Variants in GABBR2 observed in about 807,000 individuals in gnomAD.
The protein encoded by GABBR2 is gamma-aminobutyric acid type B receptor subunit 2, also known as G-protein coupled receptor 51.
In GABBR2, 23 loss-of-function variants were observed where a neutral mutation model predicts 105.6. The observed-to-expected ratio is 0.22, with a 90% CI of 0.16 to 0.31. GABBR2 has a LOEUF of 0.31. Ranked by LOEUF, GABBR2 falls within the 10% of genes least tolerant of loss-of-function variation. The pLI, the probability that GABBR2 is intolerant of heterozygous loss-of-function variation, is 1.00. For synonymous variants in GABBR2, 478 were observed against 499.7 expected (o/e 0.96, Z 0.58); for missense variants, 734 against 1,245.5 (o/e 0.59, Z 6.18).
intron 2 of GABBR2, among the ~76,000 whole-genome samples, chr9:98,552,585 T>C (rs1387515867): frequency 6.6e-6 from 1 of 152,198 alleles, no homozygotes; most frequent in Non-Finnish European, 1.5e-5. Context: ...TCAACATAGA[T>C]GCCGGTGAGA....
At chr9:98,425,026 T>G (rs2131560949) in intron 7 of GABBR2, among the ~76,000 whole-genome samples, 1 of 151,982 alleles carries the variant, frequency 6.6e-6, no homozygotes, top group Non-Finnish European at 1.5e-5. Flanking sequence ...CATCGCCAAG[T>G]CAATCCTAAG....
chr9:98,537,174 C>T (rs905266439), intron 3 of GABBR2, among the ~76,000 whole-genome samples: 1 of 152,178 alleles, frequency 6.6e-6, no homozygotes, highest in Non-Finnish European at 1.5e-5. Context: ...CAAAGCTCCC[C>T]AGATGCTCCA....
intron 1 of GABBR2, among the ~76,000 whole-genome samples, chr9:98,660,851 AC>A (rs1830249843): frequency 6.6e-6 from 1 of 152,018 alleles, no homozygotes; most frequent in Admixed American, 6.6e-5. Flanking sequence ...TCTTATAAGA[AC>A]CCTTGTGATT....
chr9:98,592,292 C>T (rs1478219791), intron 1 of GABBR2, among the ~76,000 whole-genome samples: 1 of 152,214 alleles, frequency 6.6e-6, no homozygotes, highest in African/African-American at 2.4e-5. Flanking sequence ...TTCCAGCCTA[C>T]CAGTGTGTGT....
At chr9:98,675,572 T>C (rs1830466711) in intron 1 of GABBR2, among the ~76,000 whole-genome samples, 1 of 152,122 alleles carries the variant, frequency 6.6e-6, no homozygotes. Context: ...CCTCAGATAA[T>C]GGGCTCAGTT....
chr9:98,482,833 T>C (rs371827014), intron 4 of GABBR2, among the ~76,000 whole-genome samples: 1 of 152,236 alleles, frequency 6.6e-6, no homozygotes, highest in African/African-American at 2.4e-5. Context: ...TGCTCTCTGC[T>C]GGCTCCCCTC....
intron 11 of GABBR2, among the ~76,000 whole-genome samples, chr9:98,379,376 C>G (rs138788942): frequency 6.6e-6 from 1 of 152,330 alleles, no homozygotes; most frequent in African/African-American, 2.4e-5. Flanking sequence ...TCAAGTGATT[C>G]TCCTGCCTCA....
At chr9:98,475,925 A>C (rs979706173) in intron 5 of GABBR2, among the ~76,000 whole-genome samples, 1 of 152,164 alleles carries the variant, frequency 6.6e-6, no homozygotes, top group African/African-American at 2.4e-5. Flanking sequence ...TTAGCTGGGC[A>C]TGGTGGCACA....
intron 13 of GABBR2, among the ~76,000 whole-genome samples, chr9:98,359,527 G>T (rs189021554): frequency 7.9e-5 from 12 of 152,308 alleles, no homozygotes; most frequent in Non-Finnish European, 1.6e-4. Flanking sequence ...GCCTCTAGGG[G>T]ACTTGCATTC....
In GABBR2 at chr9:98,303,310, G is replaced by A. The variant is rs376785497; in HGVS notation, c.2343C>T (p.Asn781=). 7.5e-5 allele frequency: 121 copies of A among 1,614,060 alleles called. No homozygotes were observed. The highest frequency in any genetic ancestry group is 9.2e-5 in the Non-Finnish European group (108 of 1,180,008). ...CCTCCAGGCGGGATGTGCTGGCTTGGTTCACACTGGTGACCGAGGTGGACG... is the reference window on the plus strand; with the variant it reads ...CCTCCAGGCGGGATGTGCTGGCTTGATTCACACTGGTGACCGAGGTGGACG... ...SKTSTSVTSV[N]QASTSRLEGL... The change falls in exon 16 of 19, where the codon AAC becomes AAT. Residue 781 remains asparagine (N), a synonymous_variant. Coordinates refer to ENST00000259455, the MANE Select transcript of GABBR2 (RefSeq NM_005458.8).
At chr9:98,629,716 G>A (rs567790534) in intron 1 of GABBR2, among the ~76,000 whole-genome samples, 5 of 152,128 alleles carry the variant, frequency 3.3e-5, no homozygotes, top group Admixed American at 3.3e-4. Flanking sequence ...GATTGTGATT[G>A]GTTCAGGTGT....
At chr9:98,665,999 C>G (rs957298219) in intron 1 of GABBR2, among the ~76,000 whole-genome samples, 1 of 152,224 alleles carries the variant, frequency 6.6e-6, no homozygotes, top group African/African-American at 2.4e-5. Context: ...CTGGGGTTTA[C>G]AGAGTGTTTG....
chr9:98,368,668 C>T (rs574626941), intron 12 of GABBR2, among the ~76,000 whole-genome samples: 56 of 152,358 alleles, frequency 3.7e-4, no homozygotes, highest in African/African-American at 1.3e-3. Flanking sequence ...TTTCTTATCA[C>T]AGATGACCAT....
chr9:98,581,798 A>G (rs548715093), intron 1 of GABBR2, among the ~76,000 whole-genome samples: 14 of 152,276 alleles, frequency 9.2e-5, no homozygotes, highest in Admixed American at 7.8e-4. Flanking sequence ...GTACCACAGG[A>G]TTTATAATCA....
At position 98,498,770 on chromosome 9, in the gene GABBR2, GA is replaced by G. The variant is rs1205622199; in HGVS notation, c.631-2257del. On this transcript the variant is annotated intron_variant, in intron 3 of 18. Coordinates refer to ENST00000259455, the MANE Select transcript of GABBR2 (RefSeq NM_005458.8). ...AAGATTGGTAACTAGTCAATGGGGG[GA>G]AAAAGTTAACTTTTCCATTAGAGTT... 2.1e-4 allele frequency among the ~76,000 whole-genome samples: 32 copies of G among 152,280 alleles called. 1 individual carries two copies. The East Asian group carries it at 3.9e-3, about 18-fold the overall frequency.
At chr9:98,339,223 G>C (rs142573112) in intron 13 of GABBR2, among the ~76,000 whole-genome samples, 31 of 151,138 alleles carry the variant, frequency 2.1e-4, no homozygotes, top group African/African-American at 7.3e-4. Flanking sequence ...TTTATGAATA[G>C]GCTAAAAACC....
At chr9:98,570,627 AC>A (rs1786243433) in intron 2 of GABBR2, among the ~76,000 whole-genome samples, 2 of 152,254 alleles carry the variant, frequency 1.3e-5, no homozygotes, top group African/African-American at 4.8e-5. Flanking sequence ...TTCAGGACAA[AC>A]CAGGCTGGTG....
intron 1 of GABBR2, among the ~76,000 whole-genome samples, chr9:98,689,518 G>C (rs770104169): frequency 6.6e-6 from 1 of 152,192 alleles, no homozygotes; most frequent in African/African-American, 2.4e-5. Context: ...GCTCATGCCT[G>C]TGCCTAGTGC....
rs1002176979 is a variant in GABBR2 at position 98,306,500 on chromosome 9, C to T, written c.2005-155G>A. On this transcript the variant is annotated intron_variant, in intron 14 of 18. Coordinates refer to ENST00000259455, the MANE Select transcript of GABBR2 (RefSeq NM_005458.8). The surrounding 1 kb of genome is among the most constrained non-coding windows in gnomAD (Gnocchi z 5.4). ...GCTGTCAGCCGGGTCTTCTGGATGT[C>T]ACCATCTGTCCCCACTTGTGGCCCT... The T allele has an allele frequency of 1.4e-5, 9 of 643,966 alleles. No individual in the cohort carries two copies. Among genetic ancestry groups the T allele is most frequent in the Middle Eastern group, 4.0e-4 (1 of 2,470 alleles). 39.9% of individuals were successfully genotyped at this position (643,966 alleles called of 1,614,324 possible).
Sources: allele counts gnomAD v4.1 joint callset (sites outside exome capture counted in the v4.1 genomes callset), GRCh38; gene constraint gnomAD v4.1.1; non-coding constraint Gnocchi (gnomAD v3.1); transcripts MANE v1.5; gene names NCBI Gene and HGNC (gene_info 2026-07-23, HGNC 2026-07-21).